CADPS2: variants seen among roughly 807,000 people sequenced by gnomAD.
CADPS2 encodes the protein calcium dependent secretion activator 2, also known as calcium-dependent secretion activator 2.
CADPS2 carries 93 observed loss-of-function variants against 172.5 expected under a neutral mutation model. That is an observed-to-expected ratio of 0.54 (90% CI 0.46 to 0.64). The LOEUF (loss-of-function observed/expected upper bound fraction) is 0.64. Among genes scored for constraint, CADPS2 ranks in the 30% least tolerant of loss-of-function variants. The pLI, the probability that CADPS2 is intolerant of heterozygous loss-of-function variation, is 0.00. For synonymous variants in CADPS2, 546 were observed against 555.2 expected (o/e 0.98, Z 0.23); for missense variants, 1,420 against 1,565.9 (o/e 0.91, Z 1.57).
chr7:122,827,550 T>C (rs1248585653), intron 1 of CADPS2, among the ~76,000 whole-genome samples: 3 of 151,784 alleles, frequency 2.0e-5, no homozygotes, highest in Non-Finnish European at 4.4e-5. Context: ...GAGAATCGTT[T>C]GAACCTGGGA....
At chr7:122,790,638 C>T (rs1795099811) in intron 1 of CADPS2, among the ~76,000 whole-genome samples, 1 of 152,110 alleles carries the variant, frequency 6.6e-6, no homozygotes, top group Non-Finnish European at 1.5e-5. Context: ...CCAACTTAAT[C>T]CATATGAAAT....
chr7:122,815,836 A>C (rs1228321992), intron 1 of CADPS2, among the ~76,000 whole-genome samples: 1 of 152,200 alleles, frequency 6.6e-6, no homozygotes, highest in Non-Finnish European at 1.5e-5. Flanking sequence ...CAGAAAGAAA[A>C]GACAAGGAAG....
chr7:122,442,316 C>T (rs2051460530), intron 15 of CADPS2, among the ~76,000 whole-genome samples: 2 of 152,126 alleles, frequency 1.3e-5, no homozygotes, highest in South Asian at 2.1e-4. Context: ...CAATACTGAA[C>T]ATCAGGGCCA....
chr7:122,635,386 G>C (rs1483146598), intron 3 of CADPS2, among the ~76,000 whole-genome samples: 1 of 151,512 alleles, frequency 6.6e-6, no homozygotes, highest in South Asian at 2.1e-4. Context: ...CCATTAACTC[G>C]TCATTTAGCA....
intron 20 of CADPS2, among the ~76,000 whole-genome samples, chr7:122,398,120 C>T (rs968625444): frequency 4.6e-5 from 7 of 151,954 alleles, no homozygotes; most frequent in Admixed American, 1.3e-4. Flanking sequence ...TGAAAATCCC[C>T]GATAATAAAT....
At chr7:122,642,887 CA>C (rs1323763528) in intron 3 of CADPS2, among the ~76,000 whole-genome samples, 3 of 152,168 alleles carry the variant, frequency 2.0e-5, no homozygotes, top group Non-Finnish European at 4.4e-5. Flanking sequence ...TTAGTCCCCA[CA>C]CCAATTATGT....
intron 1 of CADPS2, among the ~76,000 whole-genome samples, chr7:122,777,495 G>A (rs775886614): frequency 6.6e-6 from 1 of 152,102 alleles, no homozygotes; most frequent in Non-Finnish European, 1.5e-5. Flanking sequence ...TCTCTTAAAC[G>A]GGCTACAAGG....
rs891689774 is a variant in CADPS2, at chr7:122,563,809, C to T, written c.1336-9120G>A. On this transcript the variant is annotated intron_variant, in intron 7 of 29. Coordinates refer to ENST00000449022, the MANE Select transcript of CADPS2 (RefSeq NM_017954.11). ...TTATGGCAAAATGTTTTGGGATTGGCTAGCTAATTCATGGACTACTGATAG... is the reference window on the plus strand; with the variant it reads ...TTATGGCAAAATGTTTTGGGATTGGTTAGCTAATTCATGGACTACTGATAG... Among the ~76,000 whole-genome samples the T allele has an allele frequency of 5.3e-5, 8 of 152,052 alleles. No homozygotes were observed. The East Asian group carries it at 1.5e-3, about 29-fold the overall frequency.
intron 13 of CADPS2, among the ~76,000 whole-genome samples, chr7:122,473,526 A>G (rs2056247628): frequency 6.6e-6 from 1 of 152,212 alleles, no homozygotes; most frequent in South Asian, 2.1e-4. Context: ...AATCTGAAGA[A>G]AATTCAATAT....
At chr7:122,764,467 A>G (rs2093485075) in intron 1 of CADPS2, among the ~76,000 whole-genome samples, 1 of 152,194 alleles carries the variant, frequency 6.6e-6, no homozygotes, top group Non-Finnish European at 1.5e-5. Context: ...CATTGAAAAT[A>G]TAATCCTAAA....
chr7:122,463,700 T>G (rs1222546941), intron 14 of CADPS2, among the ~76,000 whole-genome samples: 1 of 152,160 alleles, frequency 6.6e-6, no homozygotes, highest in Non-Finnish European at 1.5e-5. Flanking sequence ...AAAAAGCTGC[T>G]TTCCTATTCA....
At position 122,756,625 on chromosome 7, in the gene CADPS2, G is replaced by A. The variant is rs146253616; in HGVS notation, c.340-19557C>T. Among the ~76,000 whole-genome samples, 476 of 152,230 alleles carry A rather than the reference G, an allele frequency of 3.1e-3. No individual in the cohort carries two copies. In the Middle Eastern group the frequency reaches 0.034, roughly 11 times the overall value. On this transcript the variant is annotated intron_variant, in intron 1 of 29. Transcript: ENST00000449022. ...ATAAATTCTTTCCCAAGGGTTGGGC[G>A]CGGTGGCACACGCCTGTAATCCCAG...
At chr7:122,336,969 A>G (rs1483516072) in intron 28 of CADPS2, among the ~76,000 whole-genome samples, 2 of 152,134 alleles carry the variant, frequency 1.3e-5, no homozygotes, top group East Asian at 1.9e-4. Flanking sequence ...TTGCTTTTCT[A>G]CTTCTCAGTT....
At chr7:122,473,040 C>T (rs2056180833) in intron 13 of CADPS2, among the ~76,000 whole-genome samples, 1 of 152,118 alleles carries the variant, frequency 6.6e-6, no homozygotes, top group Non-Finnish European at 1.5e-5. Context: ...TGAGCATCTG[C>T]ATGATGCTTT....
At chr7:122,509,487 T>C (rs1194378154) in intron 9 of CADPS2, among the ~76,000 whole-genome samples, 1 of 152,210 alleles carries the variant, frequency 6.6e-6, no homozygotes, top group African/African-American at 2.4e-5. Context: ...TTTCCAATGA[T>C]GTCACACAGT....
In CADPS2 at chr7:122,491,319, G is replaced by GGGATC; in HGVS notation, c.1639_1643dup (p.His549IlefsTer22). On this transcript the variant is annotated frameshift_variant, in exon 10 of 30. Coordinates refer to ENST00000449022, the MANE Select transcript of CADPS2 (RefSeq NM_017954.11). LOFTEE classifies it high-confidence loss of function. ...GATTCAATTAAGATTTACCTGGGTG[G>GGGATC]GGATCGGTATAATCCACAGTATAGC... The GGGATC allele has an allele frequency of 6.3e-7, 1 of 1,594,930 alleles. No homozygotes were observed.
At chr7:122,696,217 T>G (rs1168147988) in intron 2 of CADPS2, among the ~76,000 whole-genome samples, 2 of 152,196 alleles carry the variant, frequency 1.3e-5, no homozygotes, top group East Asian at 3.9e-4. Context: ...GGGTCCTCAG[T>G]GTCCTCTCTC....
rs71531909 is a variant in CADPS2, at chr7:122,649,898, A to ATTTTTTT, written c.786+13332_786+13338dup. Among the ~76,000 whole-genome samples the ATTTTTTT allele has an allele frequency of 1.4e-3, 73 of 52,018 alleles. 15 individuals carry two copies. The highest frequency in any genetic ancestry group is 5.5e-3 in the East Asian group (7 of 1,272). 34.1% of individuals were successfully genotyped at this position (52,018 alleles called of 152,430 possible). On this transcript the variant is annotated intron_variant, in intron 3 of 29. Transcript: ENST00000449022. Reference sequence around the variant, plus strand: ...TGACATTTTTCTTAAGTATTCAATGATTTTTTTTTTTTTTTTTTTTTTTTT... The same window carrying ATTTTTTT: ...TGACATTTTTCTTAAGTATTCAATGATTTTTTTTTTTTTTTTTTTTTTTTTTTTTTTT...
Position 122,417,524 on chromosome 7 carries a change from T to C in CADPS2, c.2477-1360A>G, listed in dbSNP as rs560132286. ...TCTCAACTCAGAACCAGAAAATCTC[T>C]ACTGAAAAGATCCATAGACATGAAT... On this transcript the variant is annotated intron_variant, in intron 17 of 29. Coordinates refer to ENST00000449022, the MANE Select transcript of CADPS2 (RefSeq NM_017954.11). Among the ~76,000 whole-genome samples the C allele has an allele frequency of 7.9e-5, 12 of 152,266 alleles. No homozygotes were observed. The South Asian group carries it at 8.3e-4, about 11-fold the overall frequency.
Sources: gnomAD v4.1 joint callset for allele counts (sites outside exome capture counted in the v4.1 genomes callset) on GRCh38, gnomAD v4.1.1 for gene constraint, MANE v1.5 for transcripts, NCBI Gene and HGNC (gene_info 2026-07-23, HGNC 2026-07-21) for gene names.